TCP11L1: variants seen among roughly 807,000 people sequenced by gnomAD.
TCP11L1 encodes the protein T-complex protein 11-like protein 1.
A neutral mutation model predicts 48.9 loss-of-function variants in TCP11L1; 28 were observed. The ratio of observed to expected loss-of-function variants is 0.57; its 90% CI spans 0.42 to 0.78. The LOEUF (loss-of-function observed/expected upper bound fraction) is 0.78. Among genes scored for constraint, TCP11L1 ranks in the 30% least tolerant of loss-of-function variants. TCP11L1 has a pLI of 0.00. For missense variants in TCP11L1, 505 were observed against 613.4 expected, an observed-to-expected ratio of 0.82 and a Z score of 1.87; for synonymous variants, 204 against 231.9, an observed-to-expected ratio of 0.88 and a Z score of 1.09.
chr11:33,057,397 TA>T lies in TCP11L1; in HGVS notation c.417+170del, dbSNP rs551595390. 9.9e-5 allele frequency among the ~76,000 whole-genome samples: 15 copies of T among 152,178 alleles called. 1 individual carries two copies. Among genetic ancestry groups the T allele is most frequent in the African/African-American group, 3.6e-4 (15 of 41,518 alleles). ...GTGTTTTTGGCTTAATGCCCTTTTT[TA>T]AAAAAAAGTTTTAAGCAAACCATGA... On this transcript the variant is annotated intron_variant, in intron 4 of 9. Coordinates refer to ENST00000334274, the MANE Select transcript of TCP11L1 (RefSeq NM_018393.4).
chr11:33,064,885 C>T (rs73489447), intron 7 of TCP11L1, among the ~76,000 whole-genome samples: 1,568 of 152,284 alleles, frequency 0.01, 19 homozygotes, highest in African/African-American at 0.036. Context: ...CTCGAAATTC[C>T]GGCCTCAGTG....
chr11:33,046,044 T>G (rs1286242420), intron 2 of TCP11L1, among the ~76,000 whole-genome samples: 1 of 152,256 alleles, frequency 6.6e-6, no homozygotes, highest in Non-Finnish European at 1.5e-5. Flanking sequence ...TCTAGACACA[T>G]TCCAGAGGCC....
At chr11:33,069,225 G>A (rs1458757225) in intron 9 of TCP11L1, among the ~76,000 whole-genome samples, 1 of 152,160 alleles carries the variant, frequency 6.6e-6, no homozygotes, top group Non-Finnish European at 1.5e-5. Context: ...TTTCCGTAGT[G>A]CCTGGCAGCA....
chr11:33,041,628 A>G (rs4460781), intron 1 of TCP11L1, among the ~76,000 whole-genome samples: 61,623 of 151,540 alleles, frequency 0.41, 12,667 homozygotes, highest in African/African-American at 0.46. Context: ...GTGGGCGCCT[A>G]TAATCCCAGC....
chr11:33,061,630 C>A lies in TCP11L1; in HGVS notation c.876C>A (p.Gly292=), dbSNP rs779834201. ...TGCCAGTGGGGGGAATGGCTGCTGG[C>A]TCTGGGGACATGCCCAGGCTGAGCC... The part of the protein sequence containing the change: ...HALPVGGMAA[G]SGDMPRLSPV... The change falls in exon 7 of 10, where the codon GGC becomes GGA. Residue 292 remains glycine, a synonymous_variant. Transcript: ENST00000334274. 6.2e-7 allele frequency: 1 copy of A among 1,613,256 alleles called. No individual in the cohort carries two copies. Among genetic ancestry groups the A allele is most frequent in the Non-Finnish European group, 8.5e-7 (1 of 1,179,644 alleles).
Position 33,068,749 on chromosome 11 carries a change from G to A in TCP11L1, c.1217G>A (p.Ser406Asn), listed in dbSNP as rs761680753. ...GAGAAGGTGTGCCTGGAGGTGAGCAGCTGCCTCTCCCTGTGTGGGTCCTCT... is the reference window on the plus strand; with the variant it reads ...GAGAAGGTGTGCCTGGAGGTGAGCAACTGCCTCTCCCTGTGTGGGTCCTCT... ...IGEKVCLEVS[S>N]CLSLCGSSPF... is the part of the protein sequence containing the mutation. The change falls in exon 9 of 10, where the codon AGC (serine) becomes AAC (asparagine). Residue 406 changes from serine to asparagine, a missense_variant. By Grantham distance (46) the Ser-to-Asn change is conservative. This residue lies in a region of TCP11L1 where 335 missense variants were observed against 413.3 expected (regional missense o/e 0.81). Transcript: ENST00000334274. 27 of 1,614,184 alleles carry A rather than the reference G, an allele frequency of 1.7e-5. No individual in the cohort carries two copies. Among genetic ancestry groups the A allele is most frequent in the Non-Finnish European group, 2.2e-5 (26 of 1,180,038 alleles).
chr11:33,071,305 CTG>C (rs766574647), intron 9 of TCP11L1, among the ~76,000 whole-genome samples: 10 of 151,988 alleles, frequency 6.6e-5, no homozygotes, highest in African/African-American at 9.7e-5. Flanking sequence ...CAGAGTGAAA[CTG>C]TGTCTCGAGA....
rs1854465247 is a variant in TCP11L1 at position 33,061,520 on chromosome 11, T to C, written c.776-10T>C. On this transcript the variant is annotated splice_polypyrimidine_tract_variant and intron_variant, in intron 6 of 9. Coordinates refer to ENST00000334274, the MANE Select transcript of TCP11L1 (RefSeq NM_018393.4). ...TGTCAAGGTAATGTGTGCAGCTTTG[T>C]TTTTCACAGATTCCCTGGACTTTGT... 2 of 1,591,206 alleles carry C rather than the reference T, an allele frequency of 1.3e-6. No homozygotes were observed. Among genetic ancestry groups the C allele is most frequent in the South Asian group, 1.1e-5 (1 of 86,960 alleles).
intron 1 of TCP11L1, among the ~76,000 whole-genome samples, chr11:33,043,048 A>G (rs1853885245): frequency 1.3e-5 from 2 of 152,358 alleles, no homozygotes; most frequent in South Asian, 4.1e-4. Flanking sequence ...CCTGGATGAA[A>G]GAGCGAAACT....
chr11:33,064,731 T>G (rs540934583), intron 7 of TCP11L1, among the ~76,000 whole-genome samples: 1 of 152,358 alleles, frequency 6.6e-6, no homozygotes, highest in South Asian at 2.1e-4. Context: ...CCAAGATGAA[T>G]AAGTGTAGGC....
chr11:33,068,896 T>A, intron 9 of TCP11L1, 37 bp downstream of exon 9: 1 of 1,595,400 alleles, frequency 6.3e-7, no homozygotes, highest in Admixed American at 1.7e-5. Flanking sequence ...GGATGTGCCC[T>A]CTGAGGGGCT....
chr11:33,046,224 T>C (rs1478863835), intron 2 of TCP11L1, among the ~76,000 whole-genome samples: 1 of 152,278 alleles, frequency 6.6e-6, no homozygotes, highest in Non-Finnish European at 1.5e-5. Flanking sequence ...TCTTTTACAT[T>C]AAGTGAGACA....
At chr11:33,060,512 G>A (rs1854438656) in intron 6 of TCP11L1, among the ~76,000 whole-genome samples, 1 of 152,150 alleles carries the variant, frequency 6.6e-6, no homozygotes, top group Non-Finnish European at 1.5e-5. Flanking sequence ...TAAGGAAGCA[G>A]GAAGCCTCCA....
intron 6 of TCP11L1, among the ~76,000 whole-genome samples, chr11:33,059,681 T>C (rs7111534): frequency 0.019 from 2,965 of 152,288 alleles, 122 homozygotes; most frequent in African/African-American, 0.067. Flanking sequence ...TCAGATTCAA[T>C]GTATGATGAA....
At chr11:33,045,188 C>G (rs562386073) in intron 2 of TCP11L1, among the ~76,000 whole-genome samples, 32 of 151,762 alleles carry the variant, frequency 2.1e-4, no homozygotes, top group South Asian at 4.2e-4. Flanking sequence ...GACCCCATCT[C>G]TACAAAAAAT....
chr11:33,070,631 G>A (rs1490723630), intron 9 of TCP11L1, among the ~76,000 whole-genome samples: 2 of 149,906 alleles, frequency 1.3e-5, no homozygotes, highest in Non-Finnish European at 3.0e-5. Context: ...ATTGTGGTGA[G>A]CCGAGATTGT....
intron 2 of TCP11L1, among the ~76,000 whole-genome samples, chr11:33,048,941 G>C (rs1321627576): frequency 6.6e-6 from 1 of 152,126 alleles, no homozygotes; most frequent in Non-Finnish European, 1.5e-5. Flanking sequence ...TTACCCAGAT[G>C]ACTAAAATTA....
In TCP11L1 at chr11:33,058,128, G is replaced by A. The variant is rs753523615; in HGVS notation, c.627G>A (p.Val209=). ...AACTAAAGGACATTAAGGAAATAGT[G>A]CCCCTTTTCAGGTATGGAAATATGT... ...VKKLKDIKEI[V]PLFREIFSVL... The change falls in exon 5 of 10, where the codon GTG becomes GTA. Residue 209 remains valine, a synonymous_variant. Transcript: ENST00000334274. 1.2e-5 allele frequency: 20 copies of A among 1,612,666 alleles called. No individual in the cohort carries two copies. The highest frequency in any genetic ancestry group is 1.6e-5 in the Non-Finnish European group (19 of 1,179,830).
intron 9 of TCP11L1, among the ~76,000 whole-genome samples, chr11:33,069,658 G>A (rs147276787): frequency 8.6e-5 from 13 of 151,992 alleles, no homozygotes; most frequent in Non-Finnish European, 1.9e-4. Context: ...GCAGTGATGC[G>A]ATCTCGGCTC....
Sources: gnomAD v4.1 joint callset for allele counts (sites outside exome capture counted in the v4.1 genomes callset) on GRCh38, gnomAD v4.1.1 for gene constraint, gnomAD v4.1.1 regional missense constraint, MANE v1.5 for transcripts, NCBI Gene and HGNC (gene_info 2026-07-23, HGNC 2026-07-21) for gene names.